The following TRERF1 variants were observed in gnomAD, a reference collection of about 807,000 sequenced individuals.
TRERF1 encodes the protein transcriptional regulating factor 1.
Under a neutral mutation model 122.9 loss-of-function variants are expected in TRERF1, and 27 were observed. The ratio of observed to expected loss-of-function variants is 0.22; its 90% CI spans 0.16 to 0.30. The LOEUF is 0.30. Ranked by LOEUF, TRERF1 falls within the 10% of genes least tolerant of loss-of-function variation. The probability of loss-of-function intolerance (pLI) is 1.00; values close to 1 mark genes in which losing one functional copy is unlikely to be tolerated. For synonymous variants in TRERF1, 636 were observed against 641.7 expected (o/e 0.99, Z 0.13); for missense variants, 1,248 against 1,560.3 (o/e 0.80, Z 3.37).
chr6:42,298,137 G>GT (rs199995481), intron 4 of TRERF1, among the ~76,000 whole-genome samples: 19 of 149,974 alleles, frequency 1.3e-4, no homozygotes, highest in East Asian at 5.9e-4. Flanking sequence ...GATAGTTGTT[G>GT]TTTTTTTTTG....
chr6:42,326,055 C>T (rs1422822548), intron 3 of TRERF1, among the ~76,000 whole-genome samples: 2 of 152,184 alleles, frequency 1.3e-5, no homozygotes, highest in Non-Finnish European at 2.9e-5. Context: ...GAAAAGCTTC[C>T]TATTGGGTAC....
At chr6:42,399,321 C>T (rs995224614) in intron 2 of TRERF1, among the ~76,000 whole-genome samples, 2 of 152,132 alleles carry the variant, frequency 1.3e-5, no homozygotes, top group Admixed American at 6.6e-5. Context: ...CCTTTACAGA[C>T]AAAAACATAC....
At chr6:42,447,179 C>T (rs1001361799) in intron 2 of TRERF1, among the ~76,000 whole-genome samples, 6 of 152,192 alleles carry the variant, frequency 3.9e-5, no homozygotes, top group African/African-American at 1.2e-4. Context: ...GCCAGCTCAT[C>T]GTCTTCCATG....
chr6:42,270,673 C>T (rs758068799), intron 4 of TRERF1, among the ~76,000 whole-genome samples: 8 of 151,704 alleles, frequency 5.3e-5, no homozygotes, highest in African/African-American at 7.3e-5. Flanking sequence ...TGTGATGGCA[C>T]GCACCTGTAC....
Position 42,268,035 on chromosome 6 carries a change from G to A in TRERF1, c.1437+119C>T, listed in dbSNP as rs1582694133. 8.2e-7 allele frequency: 1 copy of A among 1,221,854 alleles called. No homozygotes were observed. Among genetic ancestry groups the A allele is most frequent in the East Asian group, 2.7e-5 (1 of 37,104 alleles). The allele number at this position is 1,221,854 out of a possible 1,614,324, so 75.7% of individuals were successfully genotyped here. On this transcript the variant is annotated intron_variant, in intron 5 of 17. Transcript: ENST00000372922. The surrounding 1 kb of genome is among the most constrained non-coding windows in gnomAD (Gnocchi z 4.4). The stretch of plus-strand genomic sequence containing the variant: ...GCGTGACACATGTAGGTTAATGTTT[G>A]TGGAATTAGTAAAGAACAAAAGGGT...
chr6:42,381,651 G>A (rs1377847371), intron 2 of TRERF1, among the ~76,000 whole-genome samples: 4 of 151,760 alleles, frequency 2.6e-5, no homozygotes, highest in Non-Finnish European at 4.4e-5. Flanking sequence ...CATCTTCTCA[G>A]CTTTCAGGAT....
Position 42,263,672 on chromosome 6 carries a change from T to G in TRERF1, c.1636-104A>C. 6.7e-6 allele frequency: 9 copies of G among 1,336,874 alleles called. No homozygotes were observed. The highest frequency in any genetic ancestry group is 8.7e-6 in the Non-Finnish European group (9 of 1,039,648). The allele number at this position is 1,336,874 out of a possible 1,614,324, so 82.8% of individuals were successfully genotyped here. ...GTTCCAGGACATCAGGTATGGGTGA[T>G]AGAGAACCGCTGCAGGGCGATTTCC... On this transcript the variant is annotated intron_variant, in intron 7 of 17. Transcript: ENST00000372922. This position sits in a 1 kb window ranked among gnomAD's most constrained non-coding sequence, Gnocchi z 5.6.
At chr6:42,306,323 C>T (rs932435719) in intron 3 of TRERF1, among the ~76,000 whole-genome samples, 1 of 152,140 alleles carries the variant, frequency 6.6e-6, no homozygotes, top group Non-Finnish European at 1.5e-5. Context: ...TCTTTTGATG[C>T]CCTTCCTCTC....
intron 3 of TRERF1, among the ~76,000 whole-genome samples, chr6:42,316,647 T>C (rs777568238): frequency 3.3e-5 from 5 of 152,204 alleles, no homozygotes; most frequent in Non-Finnish European, 7.4e-5. Flanking sequence ...ATTTAGTTTA[T>C]TGTTTTAACT....
intron 2 of TRERF1, among the ~76,000 whole-genome samples, chr6:42,423,453 C>T (rs994299174): frequency 2.1e-4 from 32 of 152,190 alleles, no homozygotes; most frequent in Non-Finnish European, 4.0e-4. Context: ...CACCCAGCCA[C>T]ATCTACGTCC....
rs2151055202 is a variant in TRERF1 at position 42,372,951 on chromosome 6, G to A, written c.-453-9872C>T. 2.6e-5 allele frequency among the ~76,000 whole-genome samples: 4 copies of A among 152,296 alleles called. No homozygotes were observed. The South Asian group carries it at 8.3e-4, about 32-fold the overall frequency. ...TTGGTCTGAGCTCAACTCTACCTCT[G>A]GCTAGCTGAGCAACTGGGTAGCTTG... On this transcript the variant is annotated intron_variant, in intron 2 of 17. Coordinates refer to ENST00000372922, the Ensembl canonical transcript of TRERF1.
chr6:42,410,128 C>T (rs1452639292), intron 2 of TRERF1, among the ~76,000 whole-genome samples: 1 of 152,108 alleles, frequency 6.6e-6, no homozygotes, highest in Non-Finnish European at 1.5e-5. Flanking sequence ...TGAGACGAGC[C>T]TTGCTTGGTG....
intron 1 of TRERF1, 139 bp from the exon 2 acceptor site, chr6:42,451,400 C>G (rs1213417108): frequency 6.6e-6 from 1 of 152,524 alleles, no homozygotes; most frequent in Non-Finnish European, 1.5e-5. Context: ...CTCTCCCCAG[C>G]AGGGAACCTG....
intron 2 of TRERF1, among the ~76,000 whole-genome samples, chr6:42,401,520 A>C (rs990638063): frequency 1.1e-4 from 17 of 152,142 alleles, no homozygotes; most frequent in Non-Finnish European, 1.6e-4. Flanking sequence ...ACTTAACCAG[A>C]GCTCCAAGGC....
At chr6:42,253,429 G>A (rs1310841557) in intron 13 of TRERF1, among the ~76,000 whole-genome samples, 1 of 152,246 alleles carries the variant, frequency 6.6e-6, no homozygotes, top group East Asian at 1.9e-4. Context: ...CAGCCTCTCA[G>A]GGTTCAATGA....
chr6:42,299,913 A>C (rs1561940759), intron 4 of TRERF1, among the ~76,000 whole-genome samples: 1 of 152,234 alleles, frequency 6.6e-6, no homozygotes, highest in African/African-American at 2.4e-5. Flanking sequence ...TCTCTACTGA[A>C]GATGGTGCAG....
chr6:42,352,944 A>T (rs1769745224), intron 3 of TRERF1, among the ~76,000 whole-genome samples: 1 of 152,244 alleles, frequency 6.6e-6, no homozygotes, highest in Admixed American at 6.5e-5. Context: ...CACTGAAAAA[A>T]GGAGTTTAAA....
intron 4 of TRERF1, among the ~76,000 whole-genome samples, chr6:42,272,902 C>T (rs1348083022): frequency 3.3e-5 from 5 of 152,172 alleles, no homozygotes; most frequent in South Asian, 2.1e-4. Flanking sequence ...GCCTACTCTA[C>T]GTCACCACGT....
At chr6:42,257,213 T>C (rs1776911768) in intron 10 of TRERF1, 111 bp from the exon 11 acceptor site, 2 of 1,326,386 alleles carry the variant, frequency 1.5e-6, no homozygotes, top group African/African-American at 1.5e-5. Context: ...TCTGCAAGAA[T>C]GCAGGGGCAT....
Sources: gnomAD v4.1 joint callset for allele counts (sites outside exome capture counted in the v4.1 genomes callset) on GRCh38, gnomAD v4.1.1 for gene constraint, Gnocchi (gnomAD v3.1) non-coding constraint, MANE v1.5 for transcripts, NCBI Gene and HGNC (gene_info 2026-07-23, HGNC 2026-07-21) for gene names.